Variants in WWOX observed in about 807,000 individuals in gnomAD.
The protein encoded by WWOX is WW domain-containing oxidoreductase.
Under a neutral mutation model 46.2 loss-of-function variants are expected in WWOX, and 69 were observed. The observed-to-expected ratio is 1.49, with a 90% CI of 1.23 to 1.82. WWOX has a LOEUF of 1.82. WWOX is among the 40% of genes most tolerant of loss of function. The probability of loss-of-function intolerance (pLI) is 0.00; values close to 1 mark genes in which losing one functional copy is unlikely to be tolerated. For missense variants in WWOX, 919 were observed against 542.6 expected, an observed-to-expected ratio of 1.69 and a Z score of -6.89; for synonymous variants, 359 against 202.6, an observed-to-expected ratio of 1.77 and a Z score of -6.56.
chr16:78,781,040 T>C (rs2050311633), intron 8 of WWOX, among the ~76,000 whole-genome samples: 1 of 152,160 alleles, frequency 6.6e-6, no homozygotes, highest in African/African-American at 2.4e-5. Flanking sequence ...ATTTGGAAGA[T>C]TGTTTTGCAG....
chr16:78,214,476 C>T (rs181204095), intron 5 of WWOX, among the ~76,000 whole-genome samples: 12 of 152,292 alleles, frequency 7.9e-5, no homozygotes, highest in Non-Finnish European at 5.9e-5. Flanking sequence ...TCTGCACTCC[C>T]ACCCCTGTCA....
chr16:78,724,837 C>G (rs2048787083), intron 8 of WWOX, among the ~76,000 whole-genome samples: 1 of 152,194 alleles, frequency 6.6e-6, no homozygotes, highest in Non-Finnish European at 1.5e-5. Context: ...ATATCTCCAT[C>G]TGATTCTTAC....
intron 8 of WWOX, among the ~76,000 whole-genome samples, chr16:79,198,401 C>A (rs987910026): frequency 1.3e-5 from 2 of 152,094 alleles, no homozygotes; most frequent in African/African-American, 4.8e-5. Context: ...TAAATCCTCC[C>A]GCTTTTTTTG....
chr16:78,808,193 A>T (rs2142692908), intron 8 of WWOX, among the ~76,000 whole-genome samples: 1 of 152,052 alleles, frequency 6.6e-6, no homozygotes, highest in Middle Eastern at 3.4e-3. Context: ...TCCTCTTTTA[A>T]CCCCTCTGAA....
chr16:78,586,292 G>A (rs143168920), intron 8 of WWOX, among the ~76,000 whole-genome samples: 12 of 152,286 alleles, frequency 7.9e-5, no homozygotes, highest in African/African-American at 2.9e-4. Context: ...GCAAGATTCT[G>A]CCTTTAAAAA....
chr16:79,174,454 G>T (rs1490481284), intron 8 of WWOX, among the ~76,000 whole-genome samples: 6 of 152,136 alleles, frequency 3.9e-5, no homozygotes, highest in Admixed American at 3.3e-4. Context: ...TTTGAGATTA[G>T]CTTGACCAAC....
intron 5 of WWOX, among the ~76,000 whole-genome samples, chr16:78,261,949 T>C (rs1489829757): frequency 6.6e-6 from 1 of 150,968 alleles, no homozygotes; most frequent in Non-Finnish European, 1.5e-5. Context: ...CAAGACCTAG[T>C]ACAGGCCAAG....
intron 8 of WWOX, among the ~76,000 whole-genome samples, chr16:78,616,881 G>T (rs2046038407): frequency 6.6e-6 from 1 of 152,138 alleles, no homozygotes; most frequent in African/African-American, 2.4e-5. Context: ...CACTCTGGAG[G>T]TTAGAATTTC....
At chr16:79,201,773 A>G (rs910783220) in intron 8 of WWOX, among the ~76,000 whole-genome samples, 7 of 143,672 alleles carry the variant, frequency 4.9e-5, no homozygotes, top group East Asian at 2.0e-4. Context: ...TTCCATCCCT[A>G]TTTATGAAAA....
At chr16:78,563,199 A>T (rs1218116494) in intron 8 of WWOX, among the ~76,000 whole-genome samples, 1 of 152,200 alleles carries the variant, frequency 6.6e-6, no homozygotes, top group Non-Finnish European at 1.5e-5. Flanking sequence ...AATAAATCAT[A>T]ATTTATATTG....
intron 8 of WWOX, among the ~76,000 whole-genome samples, chr16:78,878,028 G>T (rs1233601569): frequency 2.6e-5 from 4 of 152,122 alleles, no homozygotes; most frequent in Admixed American, 2.6e-4. Flanking sequence ...TTCTCTTTGC[G>T]TCACCAGAGA....
intron 8 of WWOX, among the ~76,000 whole-genome samples, chr16:78,739,484 A>T (rs1046836773): frequency 6.6e-6 from 1 of 152,134 alleles, no homozygotes; most frequent in East Asian, 1.9e-4. Context: ...TTGGGTGACA[A>T]CAGGTCGGTA....
chr16:78,753,127 T>C (rs1268862758), intron 8 of WWOX, among the ~76,000 whole-genome samples: 2 of 152,066 alleles, frequency 1.3e-5, no homozygotes, highest in African/African-American at 2.4e-5. Flanking sequence ...AAACCCCGTC[T>C]CTACTAATAA....
intron 5 of WWOX, among the ~76,000 whole-genome samples, chr16:78,164,690 G>A (rs1434424568): frequency 6.6e-6 from 1 of 152,186 alleles, no homozygotes; most frequent in Non-Finnish European, 1.5e-5. Context: ...AGAAGTTGAT[G>A]TTGATACGTG....
intron 5 of WWOX, among the ~76,000 whole-genome samples, chr16:78,194,314 G>A (rs1384841413): frequency 1.3e-5 from 2 of 151,958 alleles, no homozygotes; most frequent in African/African-American, 2.4e-5. Context: ...TTGGCCGGGC[G>A]TGGTGTCTCA....
At chr16:78,108,624 C>A (rs961629128) in intron 2 of WWOX, 137 bp downstream of exon 2, 2 of 926,054 alleles carry the variant, frequency 2.2e-6, no homozygotes, top group African/African-American at 1.7e-5. Flanking sequence ...CTCTGAGGAG[C>A]TTATGGGATT....
chr16:78,520,569 A>G (rs1219810632), intron 8 of WWOX, among the ~76,000 whole-genome samples: 1 of 145,316 alleles, frequency 6.9e-6, no homozygotes, highest in Non-Finnish European at 1.5e-5. Context: ...TTGGCAGTGG[A>G]TGTCAGGATT....
At chr16:78,364,280 G>C (rs1374706577) in intron 5 of WWOX, among the ~76,000 whole-genome samples, 5 of 152,154 alleles carry the variant, frequency 3.3e-5, no homozygotes, top group Non-Finnish European at 7.4e-5. Context: ...CTACTCTCCT[G>C]ATAGCCACTA....
intron 5 of WWOX, among the ~76,000 whole-genome samples, chr16:78,197,628 C>G (rs760855231): frequency 2.6e-5 from 4 of 152,130 alleles, no homozygotes; most frequent in Non-Finnish European, 4.4e-5. Flanking sequence ...AGTTTTCATC[C>G]TAAGGAGAGG....
Sources: gnomAD v4.1 joint callset for allele counts (sites outside exome capture counted in the v4.1 genomes callset) on GRCh38, gnomAD v4.1.1 for gene constraint, MANE v1.5 for transcripts, NCBI Gene and HGNC (gene_info 2026-07-23, HGNC 2026-07-21) for gene names.